The following XYLT1 variants were observed in gnomAD, a reference collection of about 807,000 sequenced individuals.
XYLT1 encodes beta-D-xylosyltransferase 1.
A neutral mutation model predicts 91.3 loss-of-function variants in XYLT1; 36 were observed. The ratio of observed to expected loss-of-function variants is 0.39; its 90% CI spans 0.30 to 0.52. The LOEUF is 0.52. XYLT1 is among the 20% of genes least tolerant of loss of function. The pLI, the probability that XYLT1 is intolerant of heterozygous loss-of-function variation, is 0.68. For missense variants in XYLT1, 1,242 were observed against 1,284.5 expected (o/e 0.97, Z 0.51); for synonymous variants, 588 against 532.0 (o/e 1.11, Z -1.45).
intron 5 of XYLT1, among the ~76,000 whole-genome samples, chr16:17,197,134 A>C (rs528548463): frequency 6.6e-6 from 1 of 151,078 alleles, no homozygotes; most frequent in South Asian, 2.1e-4. Flanking sequence ...TCTGGCCTCA[A>C]ATTACTCTCT....
At chr16:17,379,602 C>G (rs920483041) in intron 1 of XYLT1, among the ~76,000 whole-genome samples, 1 of 152,140 alleles carries the variant, frequency 6.6e-6, no homozygotes, top group African/African-American at 2.4e-5. Context: ...GGGTAGAGGA[C>G]AGTGATCTGT....
At chr16:17,448,739 TGGAGGA>T (rs1327275570) in intron 1 of XYLT1, among the ~76,000 whole-genome samples, 2 of 130,884 alleles carry the variant, frequency 1.5e-5, no homozygotes, top group Admixed American at 7.7e-5. Context: ...GGGAGGAGGG[TGGAGGA>T]GGAGGAGGGC....
At chr16:17,416,075 G>A (rs1233051559) in intron 1 of XYLT1, among the ~76,000 whole-genome samples, 1 of 152,182 alleles carries the variant, frequency 6.6e-6, no homozygotes, top group Non-Finnish European at 1.5e-5. Flanking sequence ...CGGCCCTCCC[G>A]ACAATTTGGG....
intron 3 of XYLT1, among the ~76,000 whole-genome samples, chr16:17,255,801 A>G (rs1295185294): frequency 6.6e-6 from 1 of 152,060 alleles, no homozygotes; most frequent in Non-Finnish European, 1.5e-5. Context: ...TGAGGTCAGG[A>G]GTTTGAGACC....
At chr16:17,148,125 T>TA (rs2031185105) in intron 6 of XYLT1, among the ~76,000 whole-genome samples, 1 of 152,242 alleles carries the variant, frequency 6.6e-6, no homozygotes, top group African/African-American at 2.4e-5. Context: ...ATCTGTAAGA[T>TA]AAGCCCCATG....
intron 1 of XYLT1, among the ~76,000 whole-genome samples, chr16:17,450,043 T>C (rs1281029551): frequency 2.0e-5 from 3 of 152,158 alleles, no homozygotes; most frequent in Non-Finnish European, 2.9e-5. Context: ...CAGTTACTAA[T>C]AAAAGGTGAG....
At chr16:17,161,978 C>T (rs977308115) in intron 5 of XYLT1, among the ~76,000 whole-genome samples, 32 of 152,004 alleles carry the variant, frequency 2.1e-4, no homozygotes, top group Non-Finnish European at 3.2e-4. Context: ...GAATCTTTTT[C>T]GAAATGAATA....
intron 1 of XYLT1, among the ~76,000 whole-genome samples, chr16:17,412,012 TGGGGCAAGAG>T (rs2036115563): frequency 6.6e-6 from 1 of 152,072 alleles, no homozygotes; most frequent in Non-Finnish European, 1.5e-5. Flanking sequence ...AACTTCTTGG[TGGGGCAAGAG>T]GGGGCATAAA....
chr16:17,423,276 C>T (rs189022919), intron 1 of XYLT1, among the ~76,000 whole-genome samples: 12 of 148,870 alleles, frequency 8.1e-5, no homozygotes, highest in Non-Finnish European at 1.2e-4. Context: ...CCTGATGTTT[C>T]ATCTCATGTG....
intron 5 of XYLT1, among the ~76,000 whole-genome samples, chr16:17,161,061 G>A (rs2031537285): frequency 6.6e-6 from 1 of 152,176 alleles, no homozygotes; most frequent in Non-Finnish European, 1.5e-5. Context: ...GAGGATTGAA[G>A]GGGCCGGGCC....
intron 1 of XYLT1, among the ~76,000 whole-genome samples, chr16:17,398,074 T>C (rs2035913082): frequency 6.6e-6 from 1 of 152,032 alleles, no homozygotes; most frequent in African/African-American, 2.4e-5. Flanking sequence ...CTCTTTCACA[T>C]ATACGAGTCC....
At chr16:17,438,452 G>T (rs2036488685) in intron 1 of XYLT1, among the ~76,000 whole-genome samples, 1 of 152,104 alleles carries the variant, frequency 6.6e-6, no homozygotes, top group African/African-American at 2.4e-5. Context: ...GTGGAGGCCA[G>T]ATTAAACATA....
intron 3 of XYLT1, among the ~76,000 whole-genome samples, chr16:17,216,642 C>G (rs2032866645): frequency 6.6e-6 from 1 of 152,196 alleles, no homozygotes; most frequent in African/African-American, 2.4e-5. Context: ...AAGCCCTGTA[C>G]ACATATCATC....
At chr16:17,164,067 A>AAAAAAAG (rs2031621884) in intron 5 of XYLT1, among the ~76,000 whole-genome samples, 1 of 146,342 alleles carries the variant, frequency 6.8e-6, no homozygotes, top group Non-Finnish European at 1.5e-5. Flanking sequence ...AAAAAAAAAA[A>AAAAAAAG]AAGAAAGACT....
At chr16:17,261,087 C>A (rs2008108) in intron 2 of XYLT1, among the ~76,000 whole-genome samples, 1,657 of 151,400 alleles carry the variant, frequency 0.011, 11 homozygotes, top group Middle Eastern at 0.027. Context: ...CACACACACA[C>A]AAAAAATAGC....
intron 3 of XYLT1, among the ~76,000 whole-genome samples, chr16:17,212,483 G>A (rs892403986): frequency 5.9e-5 from 9 of 151,998 alleles, no homozygotes; most frequent in Admixed American, 3.3e-4. Flanking sequence ...TTTAAAAAAC[G>A]CATCTCTCGA....
At chr16:17,376,325 T>C (rs1295929687) in intron 1 of XYLT1, among the ~76,000 whole-genome samples, 1 of 152,168 alleles carries the variant, frequency 6.6e-6, no homozygotes, top group Non-Finnish European at 1.5e-5. Context: ...ATCTATAGTA[T>C]GGGGCTGAGA....
intron 10 of XYLT1, among the ~76,000 whole-genome samples, chr16:17,127,254 C>T (rs1283174778): frequency 6.6e-6 from 1 of 152,186 alleles, no homozygotes; most frequent in African/African-American, 2.4e-5. Flanking sequence ...AAAACCACAA[C>T]TAAGCATAGG....
intron 3 of XYLT1, among the ~76,000 whole-genome samples, chr16:17,223,035 GAAAAAAAAA>G (rs535714440): frequency 7.8e-6 from 1 of 127,454 alleles, no homozygotes. Flanking sequence ...ACTGCGCCAG[GAAAAAAAAA>G]AAAAAAAGAA....
Sources: allele counts gnomAD v4.1 joint callset (sites outside exome capture counted in the v4.1 genomes callset), GRCh38; gene constraint gnomAD v4.1.1; transcripts MANE v1.5; gene names NCBI Gene and HGNC (gene_info 2026-07-23, HGNC 2026-07-21).